The following ATG7 variants were observed in gnomAD, a reference collection of about 807,000 sequenced individuals.
ATG7 encodes the protein ubiquitin-like modifier-activating enzyme ATG7.
A neutral mutation model predicts 82.4 loss-of-function variants in ATG7; 70 were observed. The observed-to-expected ratio is 0.85, with a 90% CI of 0.70 to 1.04. The LOEUF is 1.04. Ranked by LOEUF, ATG7 falls within the 50% of genes least tolerant of loss-of-function variation. The pLI is 0.00. For synonymous variants in ATG7, 287 were observed against 313.0 expected (o/e 0.92, Z 0.88); for missense variants, 792 against 864.3 (o/e 0.92, Z 1.05).
Position 11,294,582 on chromosome 3 carries a change from A to T in ATG7, c.-10-4104A>T, listed in dbSNP as rs1311962722. ...AATTCTTTCAAACAATTAAAAGCCA[A>T]AAAATATTTAATAGGAGTTGAGGGT... On this transcript the variant is annotated intron_variant, in intron 3 of 20. Coordinates refer to ENST00000693202, the MANE Select transcript of ATG7 (RefSeq NM_001349232.2). Among the ~76,000 whole-genome samples the T allele has an allele frequency of 2.0e-5, 3 of 152,206 alleles. No homozygotes were observed. The South Asian group carries it at 6.2e-4, about 32-fold the overall frequency.
chr3:11,293,999 C>G (rs1575214222), intron 3 of ATG7, among the ~76,000 whole-genome samples: 1 of 126,552 alleles, frequency 7.9e-6, no homozygotes, highest in Non-Finnish European at 1.6e-5. Context: ...GCCTGGGCGA[C>G]AGAGCAGGAC....
chr3:11,529,714 TC>T (rs1233488574), intron 20 of ATG7: 1 of 152,800 alleles, frequency 6.5e-6, no homozygotes, highest in Non-Finnish European at 1.5e-5. Context: ...AACGTCCTGG[TC>T]TCTTCAGTGG....
At chr3:11,534,554 C>A (rs1166408499) in intron 20 of ATG7, among the ~76,000 whole-genome samples, 1 of 152,248 alleles carries the variant, frequency 6.6e-6, no homozygotes, top group East Asian at 1.9e-4. Flanking sequence ...GTGCGTCCTT[C>A]ATGCCGGGTG....
chr3:11,404,793 G>A (rs778532963), intron 19 of ATG7, among the ~76,000 whole-genome samples: 5 of 151,982 alleles, frequency 3.3e-5, no homozygotes, highest in Non-Finnish European at 7.4e-5. Flanking sequence ...GCTTGTGGAG[G>A]GGAACTCCCT....
At chr3:11,554,016 G>A (rs1461755569) in intron 20 of ATG7, among the ~76,000 whole-genome samples, 3 of 152,160 alleles carry the variant, frequency 2.0e-5, no homozygotes, top group Non-Finnish European at 2.9e-5. Flanking sequence ...CAGGGGCCCT[G>A]GGACCTGCTG....
chr3:11,375,022 C>T (rs1224667403), intron 18 of ATG7, among the ~76,000 whole-genome samples: 4 of 141,926 alleles, frequency 2.8e-5, no homozygotes, highest in East Asian at 2.1e-4. Context: ...GGCAACACAG[C>T]GAGACCTCAT....
downstream of ATG7, among the ~76,000 whole-genome samples, chr3:11,559,628 G>T (rs902929256): frequency 1.3e-5 from 2 of 152,242 alleles, no homozygotes; most frequent in African/African-American, 4.8e-5. Context: ...TCCACAGAGT[G>T]AGCGCAGCTC....
At chr3:11,505,495 T>C (rs981874020) in intron 20 of ATG7, among the ~76,000 whole-genome samples, 2 of 152,226 alleles carry the variant, frequency 1.3e-5, no homozygotes, top group Non-Finnish European at 2.9e-5. Context: ...CATTATTCTT[T>C]GAATTGATCT....
rs1359562677 is a variant in ATG7 at position 11,486,543 on chromosome 3, T to G, written c.2079+59617T>G. ...ATACCCTTTATTTCCTTCTCCTGCC[T>G]AATTACCCTGGCCAGAACTTCCAAC... On this transcript the variant is annotated intron_variant, in intron 20 of 20. Coordinates refer to ENST00000693202, the MANE Select transcript of ATG7 (RefSeq NM_001349232.2). Among the ~76,000 whole-genome samples the G allele has an allele frequency of 7.3e-5, 11 of 150,794 alleles. No homozygotes were observed. The East Asian group carries it at 1.8e-3, about 24-fold the overall frequency.
At chr3:11,569,522 G>A in the ATG7 span, among the ~76,000 whole-genome samples, 1 of 152,184 alleles carries the variant, frequency 6.6e-6, no homozygotes, top group African/African-American at 2.4e-5. Flanking sequence ...GCTATGCAGA[G>A]ACATCCCCCA....
In ATG7 at chr3:11,433,251, T is replaced by A. The variant is rs2083067575; in HGVS notation, c.2079+6325T>A. Among the ~76,000 whole-genome samples, 5 of 134,818 alleles carry A rather than the reference T, an allele frequency of 3.7e-5. No individual in the cohort carries two copies. In the South Asian group the frequency reaches 1.2e-3, roughly 31 times the overall value. 88.4% of individuals were successfully genotyped at this position (134,818 alleles called of 152,430 possible). Reference sequence around the variant, plus strand: ...GTGAGCTATGATTGTGCCACTGTACTCCAGCCTGGGTGACAGAGCAAGACC... The same window carrying A: ...GTGAGCTATGATTGTGCCACTGTACACCAGCCTGGGTGACAGAGCAAGACC... On this transcript the variant is annotated intron_variant, in intron 20 of 20. Coordinates refer to ENST00000693202, the MANE Select transcript of ATG7 (RefSeq NM_001349232.2).
At chr3:11,322,513 T>C (rs927877096) in intron 9 of ATG7, among the ~76,000 whole-genome samples, 2 of 152,238 alleles carry the variant, frequency 1.3e-5, no homozygotes, top group African/African-American at 4.8e-5. Flanking sequence ...TTTTTTAATA[T>C]ACAAACTTTT....
intron 19 of ATG7, among the ~76,000 whole-genome samples, chr3:11,421,418 G>C (rs2081935900): frequency 6.6e-6 from 1 of 152,126 alleles, no homozygotes; most frequent in South Asian, 2.1e-4. Context: ...TCTTCATCAG[G>C]AATAGATTCC....
At chr3:11,500,822 G>T (rs2091267660) in intron 20 of ATG7, among the ~76,000 whole-genome samples, 1 of 152,124 alleles carries the variant, frequency 6.6e-6, no homozygotes, top group Non-Finnish European at 1.5e-5. Context: ...CTAGAGACGG[G>T]GTTTCACCAT....
At chr3:11,359,736 C>T (rs1479850225) in intron 15 of ATG7, among the ~76,000 whole-genome samples, 1 of 150,394 alleles carries the variant, frequency 6.6e-6, no homozygotes, top group Non-Finnish European at 1.5e-5. Context: ...AAAAAACCAA[C>T]TATGCGGAGC....
chr3:11,342,031 A>G (rs988100188), intron 12 of ATG7, 104 bp from the exon 13 acceptor site: 2 of 1,329,066 alleles, frequency 1.5e-6, no homozygotes, highest in East Asian at 2.5e-5. Flanking sequence ...TTTGATCCCA[A>G]TTTCCTTATT....
chr3:11,318,642 C>T (rs753886120), intron 9 of ATG7, among the ~76,000 whole-genome samples: 7 of 152,202 alleles, frequency 4.6e-5, no homozygotes, highest in Non-Finnish European at 8.8e-5. Flanking sequence ...TTCCTGTTGA[C>T]TTCGGGATAA....
intron 19 of ATG7, among the ~76,000 whole-genome samples, chr3:11,395,497 T>A (rs2079136036): frequency 6.6e-6 from 1 of 152,038 alleles, no homozygotes; most frequent in Admixed American, 6.5e-5. Flanking sequence ...CAGTGGGGGA[T>A]GGGGAAAAGA....
intron 20 of ATG7, among the ~76,000 whole-genome samples, chr3:11,541,301 A>G (rs1019851417): frequency 6.6e-6 from 1 of 152,172 alleles, no homozygotes; most frequent in Non-Finnish European, 1.5e-5. Flanking sequence ...TGGTTATCTA[A>G]TTGTTCCAGC....
Sources: allele counts gnomAD v4.1 joint callset (sites outside exome capture counted in the v4.1 genomes callset), GRCh38; gene constraint gnomAD v4.1.1; transcripts MANE v1.5; gene names NCBI Gene and HGNC (gene_info 2026-07-23, HGNC 2026-07-21).